The following KCNT2 variants were observed in gnomAD, a reference collection of about 807,000 sequenced individuals.
KCNT2 encodes the protein potassium channel subfamily T member 2.
Under a neutral mutation model 153.8 loss-of-function variants are expected in KCNT2, and 67 were observed. That is an observed-to-expected ratio of 0.44 (90% CI 0.36 to 0.53). KCNT2 has a LOEUF of 0.53. Ranked by LOEUF, KCNT2 falls within the 20% of genes least tolerant of loss-of-function variation. KCNT2 has a pLI of 0.00. For missense variants in KCNT2, 975 were observed against 1,354.8 expected, an observed-to-expected ratio of 0.72 and a Z score of 4.40; for synonymous variants, 500 against 458.8, an observed-to-expected ratio of 1.09 and a Z score of -1.15.
Position 196,327,706 on chromosome 1 carries a change from G to A in KCNT2, c.2104-817C>T, listed in dbSNP as rs184855560. Among the ~76,000 whole-genome samples, 23 of 135,104 alleles carry A rather than the reference G, an allele frequency of 1.7e-4. 1 individual carries two copies. Among genetic ancestry groups the A allele is most frequent in the South Asian group, 1.3e-3 (6 of 4,496 alleles). 88.6% of individuals were successfully genotyped at this position (135,104 alleles called of 152,430 possible). A position where few individuals can be genotyped will look rare whatever the true frequency, so the allele number is the denominator to read the frequency against. On this transcript the variant is annotated intron_variant, in intron 18 of 27. Coordinates refer to ENST00000294725, the MANE Select transcript of KCNT2 (RefSeq NM_198503.5). The stretch of plus-strand genomic sequence containing the variant: ...TTTGAGACAGGGCCTCACTCCTGCC[G>A]CCCAGGCTGGAGTGCAGTGGTGCAA...
chr1:196,281,064 T>C (rs1571892114), intron 24 of KCNT2, 76 bp from the exon 25 acceptor site: 1 of 1,155,730 alleles, frequency 8.7e-7, no homozygotes, highest in East Asian at 2.5e-5. Context: ...CATTTCTTTA[T>C]TTGCTTATTT....
intron 13 of KCNT2, among the ~76,000 whole-genome samples, chr1:196,390,887 A>ATTTTTTTTT (rs1243956099): frequency 8.9e-6 from 1 of 111,748 alleles, no homozygotes. Context: ...GATCTCATTC[A>ATTTTTTTTT]TTCTTTTTTT....
At chr1:196,578,071 C>T (rs1431036175) in intron 1 of KCNT2, among the ~76,000 whole-genome samples, 1 of 152,072 alleles carries the variant, frequency 6.6e-6, no homozygotes, top group Non-Finnish European at 1.5e-5. Context: ...TAATGCTATA[C>T]TTTCTGCTGT....
chr1:196,310,251 G>A (rs952561848), intron 21 of KCNT2, among the ~76,000 whole-genome samples: 1 of 151,806 alleles, frequency 6.6e-6, no homozygotes, highest in African/African-American at 2.4e-5. Flanking sequence ...TTAACAGGGG[G>A]TATACATTAA....
rs1044950786 is a variant in KCNT2 at position 196,226,517 on chromosome 1, A to G, written c.*1707T>C. The G allele has an allele frequency of 6.6e-6, 1 of 152,036 alleles. No homozygotes were observed. The highest frequency in any genetic ancestry group is 2.4e-5 in the African/African-American group (1 of 41,446). 9.4% of individuals were successfully genotyped at this position (152,036 alleles called of 1,614,324 possible). A position where few individuals can be genotyped will look rare whatever the true frequency, so the allele number is the denominator to read the frequency against. On this transcript the variant is annotated 3_prime_UTR_variant, in exon 28 of 28. Coordinates refer to ENST00000294725, the MANE Select transcript of KCNT2 (RefSeq NM_198503.5). Reference sequence around the variant, plus strand: ...TAAATTCTACTTCTCTGATCAAAGTAGATTAAATACAGGGTCTCTGTTTTA... The same window carrying G: ...TAAATTCTACTTCTCTGATCAAAGTGGATTAAATACAGGGTCTCTGTTTTA...
chr1:196,357,689 G>C (rs1667284074), intron 14 of KCNT2, among the ~76,000 whole-genome samples: 1 of 151,836 alleles, frequency 6.6e-6, no homozygotes, highest in African/African-American at 2.4e-5. Flanking sequence ...GGCTAGTAGA[G>C]GTAGTATTGT....
At chr1:196,536,850 A>G (rs545117087) in intron 1 of KCNT2, among the ~76,000 whole-genome samples, 5 of 152,230 alleles carry the variant, frequency 3.3e-5, no homozygotes, top group South Asian at 2.1e-4. Flanking sequence ...CACCCATCCC[A>G]CTATTGAGTA....
At chr1:196,565,576 T>C (rs778066972) in intron 1 of KCNT2, among the ~76,000 whole-genome samples, 6 of 147,752 alleles carry the variant, frequency 4.1e-5, no homozygotes, top group Non-Finnish European at 8.9e-5. Flanking sequence ...ATGTTGTATA[T>C]ATACAAATCA....
At chr1:196,512,727 A>T (rs940809629) in intron 1 of KCNT2, among the ~76,000 whole-genome samples, 3 of 152,176 alleles carry the variant, frequency 2.0e-5, no homozygotes, top group African/African-American at 7.2e-5. Flanking sequence ...TTCAACCAAG[A>T]TGCAGTGAAA....
intron 1 of KCNT2, among the ~76,000 whole-genome samples, chr1:196,576,102 G>A (rs900634777): frequency 3.3e-5 from 5 of 151,558 alleles, no homozygotes; most frequent in African/African-American, 9.7e-5. Flanking sequence ...GTGTGTGTGT[G>A]TGTGTGTATA....
At chr1:196,562,271 G>T (rs182488854) in intron 1 of KCNT2, among the ~76,000 whole-genome samples, 6 of 152,006 alleles carry the variant, frequency 3.9e-5, no homozygotes, top group Admixed American at 1.3e-4. Context: ...CTATACTAGT[G>T]TCAGGCTGGA....
chr1:196,595,258 A>G (rs550871893), intron 1 of KCNT2, among the ~76,000 whole-genome samples: 1 of 152,222 alleles, frequency 6.6e-6, no homozygotes, highest in Admixed American at 6.5e-5. Flanking sequence ...GATATTAATG[A>G]ATTAATTGAT....
chr1:196,325,665 C>A (rs566994782), intron 19 of KCNT2, among the ~76,000 whole-genome samples: 1 of 152,078 alleles, frequency 6.6e-6, no homozygotes, highest in African/African-American at 2.4e-5. Context: ...TTCATTTACC[C>A]TAAATATGCC....
At chr1:196,447,480 G>A (rs1055748886) in intron 8 of KCNT2, among the ~76,000 whole-genome samples, 1 of 151,638 alleles carries the variant, frequency 6.6e-6, no homozygotes, top group Non-Finnish European at 1.5e-5. Flanking sequence ...TATTGAAGGA[G>A]AGAAAGTACG....
At chr1:196,517,515 C>T (rs1331082258) in intron 1 of KCNT2, among the ~76,000 whole-genome samples, 1 of 152,020 alleles carries the variant, frequency 6.6e-6, no homozygotes, top group Non-Finnish European at 1.5e-5. Context: ...TCCAAGGAAA[C>T]TAAGAATCAA....
intron 8 of KCNT2, among the ~76,000 whole-genome samples, chr1:196,443,041 G>A (rs1227243542): frequency 6.6e-6 from 1 of 151,594 alleles, no homozygotes; most frequent in Non-Finnish European, 1.5e-5. Context: ...GGATAGATTT[G>A]CAGGGTGTTT....
intron 13 of KCNT2, 51 bp from the exon 14 acceptor site, chr1:196,373,299 TA>T: frequency 1.3e-6 from 1 of 798,540 alleles, no homozygotes; most frequent in South Asian, 1.5e-5. Flanking sequence ...TGGAGAGTAA[TA>T]AAATGTAAAA....
At chr1:196,601,958 C>T (rs933638777) in intron 1 of KCNT2, among the ~76,000 whole-genome samples, 10 of 151,856 alleles carry the variant, frequency 6.6e-5, no homozygotes, top group Middle Eastern at 3.2e-3. Context: ...TTTAGATAGA[C>T]GTCTGTTACT....
chr1:196,459,224 G>T (rs1251854577), intron 8 of KCNT2, among the ~76,000 whole-genome samples: 1 of 151,556 alleles, frequency 6.6e-6, no homozygotes, highest in Non-Finnish European at 1.5e-5. Context: ...CATGTCATTA[G>T]CCATAAATTT....
Sources: gnomAD v4.1 joint callset for allele counts (sites outside exome capture counted in the v4.1 genomes callset) on GRCh38, gnomAD v4.1.1 for gene constraint, MANE v1.5 for transcripts, NCBI Gene and HGNC (gene_info 2026-07-23, HGNC 2026-07-21) for gene names.